The following GPR153 variants were observed in gnomAD, a reference collection of about 807,000 sequenced individuals.
GPR153 encodes G protein-coupled receptor 153.
GPR153 carries 27 observed loss-of-function variants against 34.1 expected under a neutral mutation model. The ratio of observed to expected loss-of-function variants is 0.79; its 90% CI spans 0.58 to 1.09. The LOEUF (loss-of-function observed/expected upper bound fraction) is 1.09. Among genes scored for constraint, GPR153 ranks in the 50% least tolerant of loss-of-function variants. The pLI, the probability that GPR153 is intolerant of heterozygous loss-of-function variation, is 0.00. For synonymous variants in GPR153, 408 were observed against 405.4 expected (o/e 1.01, Z -0.08); for missense variants, 848 against 860.2 (o/e 0.99, Z 0.18).
At chr1:6,255,642 G>GGT (rs1476167661) in intron 1 of GPR153, among the ~76,000 whole-genome samples, 5 of 38,840 alleles carry the variant, frequency 1.3e-4, no homozygotes, top group Admixed American at 4.9e-4. Context: ...GCCTGGCTAC[G>GGT]TTTTTTTTTT....
Position 6,253,691 on chromosome 1 carries a change from G to A in GPR153, c.786+27C>T, listed in dbSNP as rs757440626. On this transcript the variant is annotated intron_variant, in intron 3 of 5. Coordinates refer to ENST00000377893, the MANE Select transcript of GPR153 (RefSeq NM_207370.4). Reference sequence around the variant, plus strand: ...AGCCCCAGGGCTGTCCCAGAGACAGGCCCCTCTACCCGACGCCGTCACCCA... The same window carrying A: ...AGCCCCAGGGCTGTCCCAGAGACAGACCCCTCTACCCGACGCCGTCACCCA... 4.6e-6 allele frequency: 7 copies of A among 1,511,276 alleles called. No individual in the cohort carries two copies. The East Asian group carries it at 1.4e-4, about 30-fold the overall frequency. The allele number at this position is 1,511,276 out of a possible 1,614,324, so 93.6% of individuals were successfully genotyped here.
At position 6,254,722 on chromosome 1, in the gene GPR153, C is replaced by T. The variant is rs750257648; in HGVS notation, c.184G>A (p.Ala62Thr). 2.5e-6 allele frequency: 4 copies of T among 1,613,524 alleles called. No individual in the cohort carries two copies. The highest frequency in any genetic ancestry group is 4.5e-5 in the East Asian group (2 of 44,870). ...CGCAGCTGCACCACGGAGTAGGTGG[C>T]GATGGGCACGGCCACATTTAGCATG... ...THMLNVAVPI[A>T]TYSVVQLRRQ... Residue 62 changes from alanine (A) to threonine (T), a missense_variant, in exon 2 of 6, where the codon GCC becomes ACC. Coordinates refer to ENST00000377893, the MANE Select transcript of GPR153 (RefSeq NM_207370.4).
intron 1 of GPR153, among the ~76,000 whole-genome samples, chr1:6,255,554 G>A (rs1638548739): frequency 6.7e-6 from 1 of 149,180 alleles, no homozygotes; most frequent in South Asian, 2.1e-4. Flanking sequence ...AGCTCACTGT[G>A]GCATGGAACT....
Position 6,250,518 on chromosome 1 carries a change from C to G in GPR153, c.1086G>C (p.Glu362Asp). ...GCAGGCCCCCCTCCAGGGCGGAGAT[C>G]TCATACTTGGCCATCCTATCTAGGG... ...FVALDRMAKY[E>D]ISALEGGLPQ... Residue 362 changes from glutamate to aspartate, a missense_variant, in exon 5 of 6, where the codon GAG becomes GAC. Transcript: ENST00000377893. The G allele has an allele frequency of 6.2e-7, 1 of 1,609,338 alleles. No homozygotes were observed. The highest frequency in any genetic ancestry group is 1.3e-5 in the African/African-American group (1 of 74,964).
In GPR153 at chr1:6,254,944, C is replaced by T. The variant is rs1638534288; in HGVS notation, c.-39G>A. ...GCTGGCAGGCGGCTGTGGCATCCTCCTTGGAGCCAGGTCTCAGGGAGCAGC... is the reference window on the plus strand; with the variant it reads ...GCTGGCAGGCGGCTGTGGCATCCTCTTTGGAGCCAGGTCTCAGGGAGCAGC... On this transcript the variant is annotated 5_prime_UTR_variant, in exon 2 of 6. Coordinates refer to ENST00000377893, the MANE Select transcript of GPR153 (RefSeq NM_207370.4). 1 of 1,464,182 alleles carries T rather than the reference C, an allele frequency of 6.8e-7. No homozygotes were observed. The highest frequency in any genetic ancestry group is 9.1e-7 in the Non-Finnish European group (1 of 1,095,208). The allele number at this position is 1,464,182 out of a possible 1,614,324, so 90.7% of individuals were successfully genotyped here. A position where few individuals can be genotyped will look rare whatever the true frequency, so the allele number is the denominator to read the frequency against.
chr1:6,260,058 C>G (rs1176205596), intron 1 of GPR153, among the ~76,000 whole-genome samples: 1 of 152,194 alleles, frequency 6.6e-6, no homozygotes, highest in African/African-American at 2.4e-5. Flanking sequence ...GGGACCCACC[C>G]GGGCCATGAG....
At chr1:6,260,089 CG>C (rs1043380672) in intron 1 of GPR153, among the ~76,000 whole-genome samples, 276 of 152,296 alleles carry the variant, frequency 1.8e-3, no homozygotes, top group African/African-American at 6.3e-3. Context: ...GCAAGACATG[CG>C]GGCGGGGCCG....
chr1:6,257,878 A>C (rs931244831), intron 1 of GPR153, among the ~76,000 whole-genome samples: 8 of 152,226 alleles, frequency 5.3e-5, no homozygotes, highest in Non-Finnish European at 1.0e-4. Context: ...CCCAGTACCA[A>C]GTGAAGGCCT....
chr1:6,250,157 T>C (rs956902803), intron 5 of GPR153, 154 bp from the exon 6 acceptor site: 5 of 985,264 alleles, frequency 5.1e-6, no homozygotes, highest in Non-Finnish European at 6.0e-6. Context: ...GTGCAGTCTC[T>C]TCGAGCCGCA....
rs777673673 is a variant in GPR153 at position 6,257,998 on chromosome 1, C to T, written c.-110+2827G>A. Among the ~76,000 whole-genome samples, 7 of 152,318 alleles carry T rather than the reference C, an allele frequency of 4.6e-5. No homozygotes were observed. In the East Asian group the frequency reaches 7.7e-4, roughly 17 times the overall value. Reference sequence around the variant, plus strand: ...TTATGGGCATCTATAGTACCAGATACGCCCCATGTCCCCCAGAGAGGAAGT... The same window carrying T: ...TTATGGGCATCTATAGTACCAGATATGCCCCATGTCCCCCAGAGAGGAAGT... On this transcript the variant is annotated intron_variant, in intron 1 of 5. Transcript: ENST00000377893.
chr1:6,259,454 A>G (rs1028635318), intron 1 of GPR153, among the ~76,000 whole-genome samples: 39 of 151,848 alleles, frequency 2.6e-4, no homozygotes, highest in African/African-American at 9.2e-4. Flanking sequence ...GCCTGACACC[A>G]AAGTCCTGGC....
In GPR153 at chr1:6,254,841, A is replaced by G. The variant is rs1638530161; in HGVS notation, c.65T>C (p.Leu22Pro). Residue 22 changes from leucine (L) to proline (P), a missense_variant, in exon 2 of 6, where the codon CTG (leucine) becomes CCG (proline). Transcript: ENST00000377893. ...VGWLVCGGLS[L>P]LANAWGILSV... is the part of the protein sequence containing the mutation. The stretch of plus-strand genomic sequence containing the variant: ...GAGGATGCCCCAGGCATTGGCCAGC[A>G]GGGAGAGGCCCCCACATACCAGCCA... 3.1e-6 allele frequency: 5 copies of G among 1,608,530 alleles called. No individual in the cohort carries two copies. Among genetic ancestry groups the G allele is most frequent in the Non-Finnish European group, 4.2e-6 (5 of 1,177,702 alleles).
Position 6,251,195 on chromosome 1 carries a change from C to T in GPR153, c.979+143G>A. The T allele has an allele frequency of 1.4e-6, 1 of 699,618 alleles. No individual in the cohort carries two copies. Among genetic ancestry groups the T allele is most frequent in the Non-Finnish European group, 2.4e-6 (1 of 412,470 alleles). 43.3% of individuals were successfully genotyped at this position (699,618 alleles called of 1,614,324 possible). On this transcript the variant is annotated intron_variant, in intron 4 of 5. Transcript: ENST00000377893. This position sits in a 1 kb window ranked among gnomAD's most constrained non-coding sequence, Gnocchi z 4.9. Reference sequence around the variant, plus strand: ...CTTAGGTCCCTTGGACATTCAAGTACATTTGGGGGTGACACGGGGTGTCTG... The same window carrying T: ...CTTAGGTCCCTTGGACATTCAAGTATATTTGGGGGTGACACGGGGTGTCTG...
intron 1 of GPR153, 42 bp from the exon 2 acceptor site, chr1:6,255,056 G>GA (rs1638536465): frequency 1.8e-6 from 1 of 564,410 alleles, no homozygotes; most frequent in Non-Finnish European, 3.1e-6. Context: ...CTTCCTCTCT[G>GA]GCGACAGCGT....
rs190745061 is a variant in GPR153, at chr1:6,248,870, C to A, written c.*468G>T. The stretch of plus-strand genomic sequence containing the variant: ...TAGAGACCCTCTGTACCCTCCCCCC[C>A]CCCGAAGGGTGTGGCGGTTATGGTG... On this transcript the variant is annotated 3_prime_UTR_variant, in exon 6 of 6. Coordinates refer to ENST00000377893, the MANE Select transcript of GPR153 (RefSeq NM_207370.4). 9.7e-5 allele frequency: 15 copies of A among 153,982 alleles called. No individual in the cohort carries two copies. In the East Asian group the frequency reaches 1.3e-3, roughly 14 times the overall value. 9.5% of individuals were successfully genotyped at this position (153,982 alleles called of 1,614,324 possible).
intron 3 of GPR153, among the ~76,000 whole-genome samples, chr1:6,252,842 G>C (rs912575099): frequency 1.3e-5 from 2 of 152,154 alleles, no homozygotes; most frequent in African/African-American, 4.8e-5. Flanking sequence ...TTCACCAAGA[G>C]GACCCCAGGC....
chr1:6,258,254 A>C (rs903473030), intron 1 of GPR153, among the ~76,000 whole-genome samples: 16 of 152,084 alleles, frequency 1.1e-4, no homozygotes, highest in African/African-American at 3.6e-4. Context: ...CAGCCTCCCA[A>C]GTAGCTGGGA....
chr1:6,250,074 T>C lies in GPR153; in HGVS notation c.1165-71A>G, dbSNP rs1075676. 2.5e-4 allele frequency: 316 copies of C among 1,271,566 alleles called. 1 individual carries two copies. The South Asian group carries it at 6.6e-3, about 27-fold the overall frequency. 78.8% of individuals were successfully genotyped at this position (1,271,566 alleles called of 1,614,324 possible). A position where few individuals can be genotyped will look rare whatever the true frequency, so the allele number is the denominator to read the frequency against. The stretch of plus-strand genomic sequence containing the variant: ...AACGGGGACAAACCCTTCTCCACCC[T>C]GGGGAAAGGCCTTCCGTGGGTCAGG... On this transcript the variant is annotated intron_variant, in intron 5 of 5. Coordinates refer to ENST00000377893, the MANE Select transcript of GPR153 (RefSeq NM_207370.4).
At position 6,249,497 on chromosome 1, in the gene GPR153, G is replaced by C. The variant is rs1638384641; in HGVS notation, c.1671C>G (p.His557Gln). The change falls in exon 6 of 6, where the codon CAC becomes CAG. Residue 557 changes from histidine (H) to glutamine (Q), a missense_variant. Physicochemically the swap from His to Gln is conservative, Grantham distance 24. Coordinates refer to ENST00000377893, the MANE Select transcript of GPR153 (RefSeq NM_207370.4). This position sits in a 1 kb window ranked among gnomAD's most constrained non-coding sequence, Gnocchi z 4.3. ...SPGPRPSAHS[H>Q]AGSLRPGLSA... Reference sequence around the variant, plus strand: ...TCAGGCCGGGGCGCAGAGAGCCGGCGTGCGAGTGCGCAGAGGGGCGTGGCC... The same window carrying C: ...TCAGGCCGGGGCGCAGAGAGCCGGCCTGCGAGTGCGCAGAGGGGCGTGGCC... 4 of 1,271,846 alleles carry C rather than the reference G, an allele frequency of 3.1e-6. No homozygotes were observed. The highest frequency in any genetic ancestry group is 8.6e-5 in the Admixed American group (2 of 23,316). 78.8% of individuals were successfully genotyped at this position (1,271,846 alleles called of 1,614,324 possible).
Sources: gnomAD v4.1 joint callset for allele counts (sites outside exome capture counted in the v4.1 genomes callset) on GRCh38, gnomAD v4.1.1 for gene constraint, Gnocchi (gnomAD v3.1) non-coding constraint, MANE v1.5 for transcripts, NCBI Gene and HGNC (gene_info 2026-07-23, HGNC 2026-07-21) for gene names.